The following TENM2 variants were observed in gnomAD, a reference collection of about 807,000 sequenced individuals.
TENM2 encodes the protein teneurin transmembrane protein 2.
A neutral mutation model predicts 245.2 loss-of-function variants in TENM2; 52 were observed. That is an observed-to-expected ratio of 0.21 (90% CI 0.17 to 0.27). The LOEUF is 0.27. Ranked by LOEUF, TENM2 falls within the 10% of genes least tolerant of loss-of-function variation. TENM2 has a pLI of 1.00. For missense variants in TENM2, 3,046 were observed against 3,666.8 expected (o/e 0.83, Z 4.37); for synonymous variants, 1,363 against 1,438.9 (o/e 0.95, Z 1.19).
At chr5:167,001,229 T>C in the TENM2 span, among the ~76,000 whole-genome samples, 1 of 152,204 alleles carries the variant, frequency 6.6e-6, no homozygotes, top group African/African-American at 2.4e-5. Flanking sequence ...TGTCTTTACA[T>C]GCAAGCCTTG....
At chr5:167,255,907 A>T in the TENM2 span, among the ~76,000 whole-genome samples, 1 of 151,518 alleles carries the variant, frequency 6.6e-6, no homozygotes, top group African/African-American at 2.4e-5. Context: ...CATGCTACCA[A>T]TTTTTTTTTC....
chr5:167,618,873 T>C (rs1777970630), intron 2 of TENM2, among the ~76,000 whole-genome samples: 1 of 152,182 alleles, frequency 6.6e-6, no homozygotes, highest in Admixed American at 6.5e-5. Flanking sequence ...AGAGTTTCTA[T>C]ACTAGGAGTC....
chr5:167,762,182 C>T (rs548719032), intron 2 of TENM2, among the ~76,000 whole-genome samples: 2 of 152,272 alleles, frequency 1.3e-5, no homozygotes, highest in South Asian at 2.1e-4. Flanking sequence ...CACACGTGCA[C>T]GTGCATGGAT....
intron 3 of TENM2, among the ~76,000 whole-genome samples, chr5:167,913,127 T>C (rs544863409): frequency 6.6e-6 from 1 of 152,242 alleles, no homozygotes; most frequent in East Asian, 1.9e-4. Flanking sequence ...TTGAGAACCA[T>C]GGGGGCGCTC....
At chr5:168,136,859 C>A (rs1001408578) in intron 12 of TENM2, among the ~76,000 whole-genome samples, 1 of 152,188 alleles carries the variant, frequency 6.6e-6, no homozygotes, top group Non-Finnish European at 1.5e-5. Context: ...CTTTTCTCTT[C>A]ATTTAGGTTA....
intron 2 of TENM2, among the ~76,000 whole-genome samples, chr5:167,671,954 G>A (rs910876200): frequency 1.3e-5 from 2 of 151,908 alleles, no homozygotes; most frequent in Non-Finnish European, 2.9e-5. Flanking sequence ...GCACTGTGCT[G>A]GGATAAATGT....
intron 2 of TENM2, among the ~76,000 whole-genome samples, chr5:167,647,923 T>C (rs142260625): frequency 6.6e-6 from 1 of 152,320 alleles, no homozygotes; most frequent in African/African-American, 2.4e-5. Context: ...TCACTGCAAG[T>C]CGCCCTGAAG....
chr5:167,630,982 AT>A (rs1167572921), intron 2 of TENM2, among the ~76,000 whole-genome samples: 31 of 152,128 alleles, frequency 2.0e-4, no homozygotes, highest in African/African-American at 7.5e-4. Flanking sequence ...TTGTTCCTCT[AT>A]TGTAGGATAT....
intron 12 of TENM2, among the ~76,000 whole-genome samples, chr5:168,143,800 C>G (rs1048376911): frequency 6.7e-6 from 1 of 148,390 alleles, no homozygotes; most frequent in East Asian, 2.0e-4. Flanking sequence ...ATAAACTGTA[C>G]GTGTCTGAGC....
intron 2 of TENM2, among the ~76,000 whole-genome samples, chr5:167,410,547 C>T (rs1762851863): frequency 8.7e-6 from 1 of 115,074 alleles, no homozygotes; most frequent in Non-Finnish European, 2.0e-5. Flanking sequence ...CTGTGTCTTA[C>T]AAAAGAAAAA....
intron 2 of TENM2, among the ~76,000 whole-genome samples, chr5:167,622,241 G>A (rs1778223894): frequency 1.3e-5 from 2 of 152,124 alleles, no homozygotes; most frequent in Non-Finnish European, 2.9e-5. Flanking sequence ...GACATGATGA[G>A]AAGCACCCCT....
chr5:167,390,401 A>G (rs1428848720), intron 2 of TENM2, among the ~76,000 whole-genome samples: 1 of 152,210 alleles, frequency 6.6e-6, no homozygotes, highest in Non-Finnish European at 1.5e-5. Flanking sequence ...ATCTACTAAG[A>G]CAGTCTGCAA....
intron 7 of TENM2, among the ~76,000 whole-genome samples, chr5:168,063,535 C>CAT (rs1455236929): frequency 6.6e-6 from 1 of 152,048 alleles, no homozygotes; most frequent in Non-Finnish European, 1.5e-5. Flanking sequence ...CCAAAACATG[C>CAT]ATATATCCAG....
chr5:168,136,684 A>G (rs1581414631), intron 12 of TENM2, among the ~76,000 whole-genome samples: 1 of 152,266 alleles, frequency 6.6e-6, no homozygotes, highest in South Asian at 2.1e-4. Flanking sequence ...AACAGACACC[A>G]CAGAGTCCTT....
rs190441723 is a variant in TENM2, at chr5:167,445,361, A to T, written c.502+69888A>T. Among the ~76,000 whole-genome samples the T allele has an allele frequency of 3.4e-3, 470 of 139,062 alleles. 8 individuals carry two copies. The highest frequency in any genetic ancestry group is 4.1e-3 in the Non-Finnish European group (265 of 63,976). 91.2% of individuals were successfully genotyped at this position (139,062 alleles called of 152,430 possible). On this transcript the variant is annotated intron_variant, in intron 2 of 28. Coordinates refer to ENST00000518659, the Ensembl canonical transcript of TENM2. ...TAGAGAGAGAGAGAGAGAGAGAGAGAGAGAGAGAGTGTCAGGTGTTGTCTT... is the reference window on the plus strand; with the variant it reads ...TAGAGAGAGAGAGAGAGAGAGAGAGTGAGAGAGAGTGTCAGGTGTTGTCTT...
chr5:167,939,018 T>C (rs776797516), intron 3 of TENM2, among the ~76,000 whole-genome samples: 5 of 152,114 alleles, frequency 3.3e-5, no homozygotes, highest in Admixed American at 1.3e-4. Flanking sequence ...AGAAATTTAA[T>C]TGGACAGAAG....
chr5:167,845,231 C>A (rs965682396), intron 2 of TENM2, among the ~76,000 whole-genome samples: 1 of 129,080 alleles, frequency 7.7e-6, no homozygotes, highest in Non-Finnish European at 1.6e-5. Flanking sequence ...GAGTCCCCCC[C>A]TCCCGCGCCA....
chr5:168,064,113 AGAG>A (rs1270707807), intron 7 of TENM2, among the ~76,000 whole-genome samples: 2 of 152,136 alleles, frequency 1.3e-5, no homozygotes, highest in Non-Finnish European at 2.9e-5. Context: ...CAAGACAAGA[AGAG>A]GAGTTCAGCT....
chr5:167,303,618 G>A (rs1039082928), intron 1 of TENM2, among the ~76,000 whole-genome samples: 3 of 152,182 alleles, frequency 2.0e-5, no homozygotes, highest in Non-Finnish European at 2.9e-5. Flanking sequence ...CCAGCCATCT[G>A]GATGTGTACC....
Sources: allele counts gnomAD v4.1 joint callset (sites outside exome capture counted in the v4.1 genomes callset), GRCh38; gene constraint gnomAD v4.1.1; transcripts MANE v1.5; gene names NCBI Gene and HGNC (gene_info 2026-07-23, HGNC 2026-07-21).